The following ACYP2 variants were observed in gnomAD, a reference collection of about 807,000 sequenced individuals.
ACYP2 encodes acylphosphatase-2.
In ACYP2, 12 loss-of-function variants were observed where a neutral mutation model predicts 11.2. The ratio of observed to expected loss-of-function variants is 1.08; its 90% CI spans 0.69 to 1.74. The LOEUF (loss-of-function observed/expected upper bound fraction) is 1.74, where lower values mean the gene tolerates loss of function less well. Among genes scored for constraint, ACYP2 ranks in the 40% most tolerant of loss-of-function variants. The probability of loss-of-function intolerance (pLI) is 0.00; values close to 1 mark genes in which losing one functional copy is unlikely to be tolerated. For missense variants in ACYP2, 134 were observed against 101.9 expected, an observed-to-expected ratio of 1.31 and a Z score of -1.35; for synonymous variants, 43 against 32.2, an observed-to-expected ratio of 1.33 and a Z score of -1.13.
At chr2:54,097,458 C>G (rs796264859) in intron 4 of ACYP2, among the ~76,000 whole-genome samples, 58 of 152,346 alleles carry the variant, frequency 3.8e-4, no homozygotes, top group African/African-American at 1.2e-3. Context: ...CAAATCCTAT[C>G]CCATTCCTCA....
At chr2:54,219,833 ATATGTG>A (rs1685711746) in intron 6 of ACYP2, among the ~76,000 whole-genome samples, 4 of 143,990 alleles carry the variant, frequency 2.8e-5, no homozygotes, top group Admixed American at 2.1e-4. Context: ...GTGTGTATAT[ATATGTG>A]TATGTGTGTG....
intron 4 of ACYP2, among the ~76,000 whole-genome samples, chr2:54,127,147 C>T (rs1056886598): frequency 8.1e-6 from 1 of 123,412 alleles, no homozygotes; most frequent in African/African-American, 3.2e-5. Flanking sequence ...AATACATTTA[C>T]ATCCGTATTC....
At chr2:54,090,269 C>CT (rs1364683864) in intron 4 of ACYP2, among the ~76,000 whole-genome samples, 1 of 152,152 alleles carries the variant, frequency 6.6e-6, no homozygotes, top group Non-Finnish European at 1.5e-5. Flanking sequence ...TGCCTTGCCC[C>CT]TTTATCTCCT....
chr2:54,174,833 A>T (rs1342664374), intron 6 of ACYP2, among the ~76,000 whole-genome samples: 1 of 152,040 alleles, frequency 6.6e-6, no homozygotes, highest in African/African-American at 2.4e-5. Context: ...ACATTTATTG[A>T]TTTGTGTATG....
Position 54,115,615 on chromosome 2 carries a change from A to T in ACYP2, c.278-19838A>T. 1.9e-6 allele frequency: 3 copies of T among 1,560,242 alleles called. No homozygotes were observed. Among genetic ancestry groups the T allele is most frequent in the South Asian group, 1.2e-5 (1 of 85,058 alleles). The stretch of plus-strand genomic sequence containing the variant: ...GGCGCGGGGTGCGCCAAGCAGTCCC[A>T]TGTGTCCCCTCCCTCTCGCAGCCGC... On this transcript the variant is annotated intron_variant, in intron 4 of 6. The change abolishes an upstream ATG in the 5' untranslated region. Transcript: ENST00000607452.
intron 2 of ACYP2, among the ~76,000 whole-genome samples, chr2:54,048,279 C>G (rs1018533042): frequency 6.6e-6 from 1 of 151,928 alleles, no homozygotes; most frequent in African/African-American, 2.4e-5. Flanking sequence ...AAAAAAAAGT[C>G]AGCTGAGTGT....
chr2:54,230,996 A>C (rs145262087), intron 6 of ACYP2, among the ~76,000 whole-genome samples: 4,078 of 149,900 alleles, frequency 0.027, 94 homozygotes, highest in Non-Finnish European at 0.037. Context: ...ACGCCCAGCT[A>C]ATTTTTGTAT....
chr2:54,152,717 G>T (rs1251956461), intron 6 of ACYP2, among the ~76,000 whole-genome samples: 2 of 152,020 alleles, frequency 1.3e-5, no homozygotes, highest in Non-Finnish European at 2.9e-5. Context: ...TATTTTTATG[G>T]CTTGACATTT....
intron 6 of ACYP2, among the ~76,000 whole-genome samples, chr2:54,178,734 C>T (rs996045761): frequency 2.0e-5 from 3 of 152,076 alleles, no homozygotes; most frequent in African/African-American, 7.2e-5. Flanking sequence ...AGTTTGATCA[C>T]CATGTAACTT....
At chr2:54,060,035 T>C (rs1384773838) in intron 4 of ACYP2, among the ~76,000 whole-genome samples, 1 of 152,222 alleles carries the variant, frequency 6.6e-6, no homozygotes, top group African/African-American at 2.4e-5. Flanking sequence ...TTGGTGTAAG[T>C]CTTTTTTAAT....
chr2:54,181,385 C>A (rs1683718106), intron 6 of ACYP2, among the ~76,000 whole-genome samples: 1 of 152,054 alleles, frequency 6.6e-6, no homozygotes, highest in African/African-American at 2.4e-5. Flanking sequence ...GAACTGAAGT[C>A]CAGCTTTATC....
chr2:54,241,572 A>T (rs1266674003), intron 6 of ACYP2, among the ~76,000 whole-genome samples: 1 of 151,948 alleles, frequency 6.6e-6, no homozygotes, highest in Non-Finnish European at 1.5e-5. Context: ...TTTCTCCTCC[A>T]TGAGGTAGAG....
intron 6 of ACYP2, among the ~76,000 whole-genome samples, chr2:54,152,703 C>G (rs1351370705): frequency 6.6e-6 from 1 of 152,172 alleles, no homozygotes; most frequent in African/African-American, 2.4e-5. Context: ...AAGGTTCCTT[C>G]ATGTATTTTT....
chr2:54,220,593 TTAA>T (rs532199715), intron 6 of ACYP2, among the ~76,000 whole-genome samples: 299 of 152,326 alleles, frequency 2.0e-3, no homozygotes, highest in Non-Finnish European at 3.0e-3. Flanking sequence ...ATCTTCTATT[TTAA>T]TAATATCAAT....
chr2:54,237,375 G>C (rs1686532542), intron 6 of ACYP2, among the ~76,000 whole-genome samples: 1 of 151,948 alleles, frequency 6.6e-6, no homozygotes, highest in South Asian at 2.1e-4. Context: ...CCTTTTCATT[G>C]TTCTTTATGC....
chr2:54,040,261 C>G (rs1675153921), intron 2 of ACYP2, among the ~76,000 whole-genome samples: 1 of 151,874 alleles, frequency 6.6e-6, no homozygotes, highest in Admixed American at 6.6e-5. Flanking sequence ...CTCTGCAACT[C>G]GGGAAAAGAA....
intron 2 of ACYP2, among the ~76,000 whole-genome samples, chr2:54,017,987 A>G (rs1305507455): frequency 6.6e-6 from 1 of 152,148 alleles, no homozygotes; most frequent in Admixed American, 6.6e-5. Flanking sequence ...GGTGTGAGCC[A>G]CTGCACCTGG....
intron 6 of ACYP2, among the ~76,000 whole-genome samples, chr2:54,240,087 G>A (rs1686667427): frequency 6.6e-6 from 1 of 152,166 alleles, no homozygotes; most frequent in Non-Finnish European, 1.5e-5. Flanking sequence ...CGAAGTTAGA[G>A]CTCTGTAACC....
intron 6 of ACYP2, chr2:54,267,188 A>C (rs1688073772): frequency 8.5e-7 from 1 of 1,173,164 alleles, no homozygotes; most frequent in African/African-American, 1.6e-5. Flanking sequence ...TTTTTTCATC[A>C]AGAAAATGTT....
Sources: gnomAD v4.1 joint callset for allele counts (sites outside exome capture counted in the v4.1 genomes callset) on GRCh38, gnomAD v4.1.1 for gene constraint, MANE v1.5 for transcripts, NCBI Gene and HGNC (gene_info 2026-07-23, HGNC 2026-07-21) for gene names.